The following LOC122455342 variants were observed in gnomAD, a reference collection of about 807,000 sequenced individuals.
the LOC122455342 span, chr17:76,569,008 G>C: frequency 1.7e-6 from 1 of 573,628 alleles, no homozygotes; most frequent in South Asian, 2.1e-5. Context: ...CTCCACGGGC[G>C]GGGTGTAGGA....
the LOC122455342 span, chr17:76,568,885 C>A: frequency 7.8e-7 from 1 of 1,281,006 alleles, no homozygotes; most frequent in Non-Finnish European, 1.1e-6. Flanking sequence ...GCCGGAGTAG[C>A]CGCGGTACCC....
chr17:76,568,928 G>C, the LOC122455342 span: 112 of 755,222 alleles, frequency 1.5e-4, no homozygotes, highest in Non-Finnish European at 2.2e-4. Context: ...GAGTAGTAGC[G>C]GGAGAAGGGG....
At chr17:76,569,327 C>T in the LOC122455342 span, 3 of 336,902 alleles carry the variant, frequency 8.9e-6, no homozygotes, top group Non-Finnish European at 1.5e-5. Context: ...TTGGGGGGCA[C>T]AGCGGGGGTT....
the LOC122455342 span, chr17:76,568,961 C>T: frequency 8.1e-5 from 50 of 619,990 alleles, no homozygotes; most frequent in African/African-American, 7.3e-4. Context: ...GCAGGCAGTA[C>T]GTTGGGGACC....
the LOC122455342 span, chr17:76,569,297 C>T: frequency 5.9e-6 from 2 of 336,458 alleles, no homozygotes; most frequent in Non-Finnish European, 9.8e-6. Context: ...GATGAGGTGG[C>T]AGGGCTGTAG....
At chr17:76,569,624 TA>T in the LOC122455342 span, 3 of 395,052 alleles carry the variant, frequency 7.6e-6, no homozygotes, top group African/African-American at 6.3e-5. Flanking sequence ...GGGGATGGAT[TA>T]GGGGTGTGGG....
chr17:76,569,646 C>T, the LOC122455342 span: 1 of 398,050 alleles, frequency 2.5e-6, no homozygotes, highest in African/African-American at 2.1e-5. Flanking sequence ...AAGGGGAGCT[C>T]ATTGGTGTTG....
At chr17:76,569,276 C>T in the LOC122455342 span, 7 of 359,972 alleles carry the variant, frequency 1.9e-5, no homozygotes, top group Middle Eastern at 6.8e-4. Flanking sequence ...TGAATTGGCC[C>T]GATATAGGAA....
At chr17:76,568,837 T>C in the LOC122455342 span, 2 of 1,602,522 alleles carry the variant, frequency 1.2e-6, no homozygotes, top group African/African-American at 2.7e-5. Context: ...CCCAGAGCCG[T>C]CGTATTGCAA....
the LOC122455342 span, chr17:76,569,555 G>A: frequency 5.1e-6 from 2 of 395,482 alleles, no homozygotes; most frequent in Admixed American, 4.4e-5. Context: ...GAAGGGGCAG[G>A]CTGCTGGCCT....
At chr17:76,568,810 T>C in the LOC122455342 span, 466 of 1,612,150 alleles carry the variant, frequency 2.9e-4, 3 homozygotes, top group South Asian at 4.8e-3. Context: ...GGACCCATGA[T>C]AGAAGTGGAC....
At chr17:76,569,448 G>A in the LOC122455342 span, 18 of 373,112 alleles carry the variant, frequency 4.8e-5, no homozygotes, top group Non-Finnish European at 7.0e-5. Flanking sequence ...CCTGAGGACT[G>A]GGGTTCAGGG....
chr17:76,568,941 G>A, the LOC122455342 span: 8 of 695,892 alleles, frequency 1.1e-5, no homozygotes, highest in South Asian at 1.7e-5. Context: ...AGAAGGGGGT[G>A]TAGAAGGTGG....
chr17:76,568,991 C>G, the LOC122455342 span: 13 of 585,318 alleles, frequency 2.2e-5, no homozygotes, highest in Non-Finnish European at 3.9e-5. Context: ...TTCCCGCTCA[C>G]CAGGACCTCC....
chr17:76,568,866 G>C, the LOC122455342 span: 4 of 1,517,794 alleles, frequency 2.6e-6, no homozygotes, highest in African/African-American at 1.4e-5. Context: ...TGGAGGGGAG[G>C]GTCAGGGCGC....
At chr17:76,568,801 GACCC>G in the LOC122455342 span, 79 of 1,612,946 alleles carry the variant, frequency 4.9e-5, no homozygotes, top group Admixed American at 6.7e-5. Context: ...TGCGGCCTAG[GACCC>G]ATGATAGAAG....
At chr17:76,569,163 G>C in the LOC122455342 span, 1 of 218,708 alleles carries the variant, frequency 4.6e-6, no homozygotes, top group Non-Finnish European at 8.1e-6. Context: ...GAGAGGGACA[G>C]GCAAAGCATG....
chr17:76,569,346 G>A, the LOC122455342 span: 1 of 389,100 alleles, frequency 2.6e-6, no homozygotes, highest in Non-Finnish European at 4.5e-6. Context: ...TTAGGGAAGG[G>A]TTTCGAGAGA....
At chr17:76,568,896 T>A in the LOC122455342 span, 1 of 1,149,352 alleles carries the variant, frequency 8.7e-7, no homozygotes, top group South Asian at 1.3e-5. Flanking sequence ...CGCGGTACCC[T>A]GAGCGGTAGG....
Sources: allele counts gnomAD v4.1 joint callset, GRCh38; gene constraint gnomAD v4.1.1; transcripts MANE v1.5.